LAMA2: variants seen among roughly 807,000 people sequenced by gnomAD.
LAMA2 encodes the protein laminin subunit alpha-2.
A neutral mutation model predicts 364.8 loss-of-function variants in LAMA2; 269 were observed. That is an observed-to-expected ratio of 0.74 (90% CI 0.67 to 0.82). LAMA2 has a LOEUF of 0.82. Ranked by LOEUF, LAMA2 falls within the 40% of genes least tolerant of loss-of-function variation. LAMA2 has a pLI of 0.00. For synonymous variants in LAMA2, 1,379 were observed against 1,370.6 expected, an observed-to-expected ratio of 1.01 and a Z score of -0.14; for missense variants, 3,807 against 3,873.2, an observed-to-expected ratio of 0.98 and a Z score of 0.45.
Position 129,306,313 on chromosome 6 carries a change from CTTTTTTT to C in LAMA2, c.3174+5455_3174+5461del, listed in dbSNP as rs11315443. Reference sequence around the variant, plus strand: ...CAGGTCTGCTGACAATAATTTTTTCCTTTTTTTTTTTTTTTTTTTTGTTCCAGAAAGG... The same window carrying C: ...CAGGTCTGCTGACAATAATTTTTTCCTTTTTTTTTTTTTGTTCCAGAAAGG... On this transcript the variant is annotated intron_variant, in intron 22 of 64. Coordinates refer to ENST00000421865, the MANE Select transcript of LAMA2 (RefSeq NM_000426.4). Among the ~76,000 whole-genome samples the C allele has an allele frequency of 6.9e-3, 484 of 70,410 alleles. 3 individuals carry two copies. Among genetic ancestry groups the C allele is most frequent in the African/African-American group, 0.024 (446 of 18,774 alleles). The allele number at this position is 70,410 out of a possible 152,430, so 46.2% of individuals were successfully genotyped here. A position where few individuals can be genotyped will look rare whatever the true frequency, so the allele number is the denominator to read the frequency against.
Position 129,512,348 on chromosome 6 carries a change from A to ATCT in LAMA2, c.8858-12_8858-10dup, listed in dbSNP as rs754287273. 6.1e-5 allele frequency: 98 copies of ATCT among 1,612,566 alleles called. No homozygotes were observed. Among genetic ancestry groups the ATCT allele is most frequent in the Non-Finnish European group, 8.1e-5 (96 of 1,178,900 alleles). ...ATCCTCTAATCCAAAATATTTTAAA[A>ATCT]TCTTCATTTTACAGTTGGTGGATTC... is the stretch of plus-strand genomic sequence containing the variant. On this transcript the variant is annotated splice_polypyrimidine_tract_variant and intron_variant, in intron 62 of 64. Coordinates refer to ENST00000421865, the MANE Select transcript of LAMA2 (RefSeq NM_000426.4).
chr6:129,289,847 C>T (rs987620263), intron 19 of LAMA2, among the ~76,000 whole-genome samples: 2 of 152,020 alleles, frequency 1.3e-5, no homozygotes, highest in Admixed American at 1.3e-4. Context: ...ATTTTTAATG[C>T]TCTTTGCCAT....
At chr6:129,025,910 T>C (rs1785773862) in intron 1 of LAMA2, among the ~76,000 whole-genome samples, 1 of 152,176 alleles carries the variant, frequency 6.6e-6, no homozygotes, top group African/African-American at 2.4e-5. Context: ...TAACAGCCAG[T>C]ACAAACTTAG....
intron 12 of LAMA2, among the ~76,000 whole-genome samples, chr6:129,246,602 T>C (rs1443977086): frequency 6.6e-6 from 1 of 152,188 alleles, no homozygotes; most frequent in Non-Finnish European, 1.5e-5. Flanking sequence ...GAATCTTCAT[T>C]AGGGAAGTGC....
intron 40 of LAMA2, among the ~76,000 whole-genome samples, chr6:129,405,579 A>G (rs1294668210): frequency 1.3e-5 from 2 of 152,148 alleles, no homozygotes; most frequent in East Asian, 1.9e-4. Context: ...TAAATGTCTG[A>G]AAAATTACAA....
intron 3 of LAMA2, among the ~76,000 whole-genome samples, chr6:129,080,578 C>G (rs1773980695): frequency 6.6e-6 from 1 of 152,092 alleles, no homozygotes. Flanking sequence ...AAAAAGTGGG[C>G]AAAGGATATG....
At position 129,393,067 on chromosome 6, in the gene LAMA2, A is replaced by G. The variant is rs1779407378; in HGVS notation, c.5257A>G (p.Lys1753Glu). ...ELVAAEALLK[K>E]VKKLFGESRG... is the part of the protein sequence containing the mutation. ...CAGAGCTGCAGAAGCCCTTCTGAAA[A>G]AAGTGAAGAAGCTGTTTGGAGAGTC... is the stretch of plus-strand genomic sequence containing the variant. The change falls in exon 37 of 65, where the codon AAA becomes GAA. Residue 1753 changes from lysine to glutamate, a missense_variant. Physicochemically the swap from Lys to Glu is moderately conservative, Grantham distance 56. This residue lies in a region of LAMA2 where 3,333 missense variants were observed against 3,345.7 expected (regional missense o/e 1.00). Transcript: ENST00000421865. 4 of 1,613,884 alleles carry G rather than the reference A, an allele frequency of 2.5e-6. No individual in the cohort carries two copies. The East Asian group carries it at 6.7e-5, about 27-fold the overall frequency.
chr6:129,383,141 A>G lies in LAMA2; in HGVS notation c.4979A>G (p.Asp1660Gly), dbSNP rs779466137. Residue 1660 changes from aspartate (D) to glycine (G), a missense_variant, in exon 35 of 65, where the codon GAT (aspartate) becomes GGT (glycine). Around this residue, in one of 3 missense-constraint regions of LAMA2, gnomAD observed 3,333 missense variants for 3,345.7 expected, o/e 1.00. Transcript: ENST00000421865. Reference protein sequence around the residue: ...LLTRATKVTADGEQTGQDAER... With the variant: ...LLTRATKVTAGGEQTGQDAER... ...CATTAGGCTACCAAAGTGACAGCAG[A>G]TGGCGAGCAGACCGGACAGGATGCT... 13 of 1,613,704 alleles carry G rather than the reference A, an allele frequency of 8.1e-6. No homozygotes were observed. Among genetic ancestry groups the G allele is most frequent in the Non-Finnish European group, 1.1e-5 (13 of 1,179,884 alleles).
At chr6:129,280,798 T>G (rs1000768326) in intron 18 of LAMA2, among the ~76,000 whole-genome samples, 1 of 152,140 alleles carries the variant, frequency 6.6e-6, no homozygotes, top group Non-Finnish European at 1.5e-5. Flanking sequence ...TGATACAAAC[T>G]TCCCCCTTGA....
chr6:129,038,738 A>G (rs994267002), intron 1 of LAMA2, among the ~76,000 whole-genome samples: 5 of 152,186 alleles, frequency 3.3e-5, no homozygotes, highest in African/African-American at 1.2e-4. Context: ...TAGGGAGAAG[A>G]AAGGTCTCCT....
At chr6:129,030,253 A>G (rs1391044347) in intron 1 of LAMA2, among the ~76,000 whole-genome samples, 1 of 152,072 alleles carries the variant, frequency 6.6e-6, no homozygotes, top group South Asian at 2.1e-4. Context: ...CCAATGTAGA[A>G]ATACATCTCA....
At chr6:129,396,424 A>G (rs898177676) in intron 37 of LAMA2, among the ~76,000 whole-genome samples, 9 of 152,326 alleles carry the variant, frequency 5.9e-5, no homozygotes, top group East Asian at 1.9e-4. Flanking sequence ...CAGGAACCCC[A>G]GCCAGAGCTT....
At chr6:129,182,030 C>G (rs1780961911) in intron 10 of LAMA2, among the ~76,000 whole-genome samples, 1 of 151,652 alleles carries the variant, frequency 6.6e-6, no homozygotes, top group Non-Finnish European at 1.5e-5. Context: ...AAGACAGTTT[C>G]ACTAGATTAT....
chr6:129,202,187 C>CAAAAAAAAAAA (rs776190977), intron 12 of LAMA2, among the ~76,000 whole-genome samples: 75 of 61,988 alleles, frequency 1.2e-3, no homozygotes, highest in East Asian at 2.9e-3. Flanking sequence ...GAGTCTGTCT[C>CAAAAAAAAAAA]AAAAAAAAAA....
intron 12 of LAMA2, among the ~76,000 whole-genome samples, chr6:129,246,227 C>A (rs1785741917): frequency 6.6e-6 from 1 of 152,102 alleles, no homozygotes; most frequent in Non-Finnish European, 1.5e-5. Flanking sequence ...GACTTTTGTG[C>A]AGTTCTTGCT....
At chr6:129,023,122 C>T (rs1785554444) in intron 1 of LAMA2, among the ~76,000 whole-genome samples, 1 of 152,164 alleles carries the variant, frequency 6.6e-6, no homozygotes, top group African/African-American at 2.4e-5. Flanking sequence ...ATTCATTCTT[C>T]AGCTGGTGGC....
intron 28 of LAMA2, among the ~76,000 whole-genome samples, chr6:129,324,960 C>CG (rs1192984873): frequency 3.3e-5 from 5 of 152,178 alleles, no homozygotes; most frequent in Non-Finnish European, 7.4e-5. Flanking sequence ...GAATTAAACT[C>CG]GGGTCTGCCT....
At chr6:128,899,613 C>T (rs913954014) in intron 1 of LAMA2, among the ~76,000 whole-genome samples, 2 of 152,114 alleles carry the variant, frequency 1.3e-5, no homozygotes, top group African/African-American at 4.8e-5. Context: ...CTTTTTCCCC[C>T]TGATCCTTTT....
chr6:129,045,988 G>A (rs566357608), intron 1 of LAMA2, among the ~76,000 whole-genome samples: 20 of 152,322 alleles, frequency 1.3e-4, no homozygotes, highest in African/African-American at 4.3e-4. Flanking sequence ...AGAAATGTTA[G>A]CACCTGCCTG....
Sources: allele counts gnomAD v4.1 joint callset (sites outside exome capture counted in the v4.1 genomes callset), GRCh38; gene constraint gnomAD v4.1.1; regional missense constraint gnomAD v4.1.1; transcripts MANE v1.5; gene names NCBI Gene and HGNC (gene_info 2026-07-23, HGNC 2026-07-21).